METTL15: variants seen among roughly 807,000 people sequenced by gnomAD.
The protein encoded by METTL15 is 12S rRNA N(4)-cytidine methyltransferase METTL15.
METTL15 carries 34 observed loss-of-function variants against 38.3 expected under a neutral mutation model. The observed-to-expected ratio is 0.89, with a 90% CI of 0.68 to 1.18. The LOEUF (loss-of-function observed/expected upper bound fraction) is 1.18, where lower values mean the gene tolerates loss of function less well. Ranked by LOEUF, METTL15 falls within the 50% of genes most tolerant of loss-of-function variation. The pLI is 0.00. For missense variants in METTL15, 438 were observed against 498.4 expected (o/e 0.88, Z 1.15); for synonymous variants, 162 against 170.9 (o/e 0.95, Z 0.41).
At chr11:28,525,645 A>C (rs1403323147) in intron 6 of METTL15, among the ~76,000 whole-genome samples, 2 of 152,238 alleles carry the variant, frequency 1.3e-5, no homozygotes, top group East Asian at 3.8e-4. Context: ...TGAGCTAGAT[A>C]CAGAGTGCTG....
At chr11:28,159,595 CCTT>C (rs971803066) in intron 3 of METTL15, among the ~76,000 whole-genome samples, 1 of 152,122 alleles carries the variant, frequency 6.6e-6, no homozygotes, top group African/African-American at 2.4e-5. Context: ...AGTCTTTCCC[CCTT>C]CTTTTGTTAA....
intron 5 of METTL15, among the ~76,000 whole-genome samples, chr11:28,385,083 T>C (rs1850426674): frequency 6.6e-6 from 1 of 152,200 alleles, no homozygotes; most frequent in Non-Finnish European, 1.5e-5. Context: ...TTTTCTTCCA[T>C]TATGTAGGTT....
rs1216491359 is a variant in METTL15, at chr11:28,146,757, C to T, written c.270+33153C>T. Among the ~76,000 whole-genome samples, 4 of 152,012 alleles carry T rather than the reference C, an allele frequency of 2.6e-5. No homozygotes were observed. In the South Asian group the frequency reaches 6.2e-4, roughly 24 times the overall value. On this transcript the variant is annotated intron_variant, in intron 3 of 6. Coordinates refer to ENST00000407364, the MANE Select transcript of METTL15 (RefSeq NM_001113528.2). ...TATTGATTTGTTCAATAATAGCCCA[C>T]TATCCAATTAGATGTTACGTTTTAC... is the stretch of plus-strand genomic sequence containing the variant.
intron 6 of METTL15, among the ~76,000 whole-genome samples, chr11:28,433,618 G>T (rs1812718302): frequency 6.6e-6 from 1 of 152,092 alleles, no homozygotes; most frequent in Admixed American, 6.5e-5. Context: ...ATGAGTGTTA[G>T]ATTTGATGAT....
rs1022621570 is a variant in METTL15 at position 28,513,500 on chromosome 11, G to A, written c.*425-12978G>A. Among the ~76,000 whole-genome samples, 6 of 152,288 alleles carry A rather than the reference G, an allele frequency of 3.9e-5. No homozygotes were observed. The South Asian group carries it at 8.3e-4, about 21-fold the overall frequency. On this transcript the variant is annotated intron_variant and NMD_transcript_variant, in intron 6 of 7. Transcript: ENST00000532947. Reference sequence around the variant, plus strand: ...ATGAAATCTACCTGCATGAGGTGCCGAGACCAGCTCGGTTGGGGAGACCCT... The same window carrying A: ...ATGAAATCTACCTGCATGAGGTGCCAAGACCAGCTCGGTTGGGGAGACCCT...
chr11:28,307,379 C>T (rs1387299219), intron 6 of METTL15, among the ~76,000 whole-genome samples: 2 of 151,890 alleles, frequency 1.3e-5, no homozygotes, highest in Non-Finnish European at 2.9e-5. Flanking sequence ...GATGCTCAAT[C>T]AATATTTCTT....
chr11:28,122,277 G>A (rs1164641074), intron 3 of METTL15: 1 of 836,272 alleles, frequency 1.2e-6, no homozygotes, highest in South Asian at 2.1e-5. Context: ...AAAAACTGAT[G>A]CAGAAATTAG....
intron 3 of METTL15, among the ~76,000 whole-genome samples, chr11:28,141,591 A>C (rs1849700110): frequency 6.6e-6 from 1 of 152,114 alleles, no homozygotes; most frequent in South Asian, 2.1e-4. Flanking sequence ...TGGGAGGCTG[A>C]GTTGGGAGGA....
chr11:28,249,440 A>C (rs1050747548), intron 4 of METTL15, among the ~76,000 whole-genome samples: 3 of 152,034 alleles, frequency 2.0e-5, no homozygotes, highest in Admixed American at 6.6e-5. Context: ...CCAGTGACTC[A>C]ACCCGATACT....
intron 4 of METTL15, among the ~76,000 whole-genome samples, chr11:28,214,539 A>C (rs1244249460): frequency 6.6e-6 from 1 of 152,208 alleles, no homozygotes; most frequent in Non-Finnish European, 1.5e-5. Context: ...ATAGGTTGAT[A>C]AGCATGACAA....
chr11:28,463,666 G>A (rs1369912101), intron 6 of METTL15, among the ~76,000 whole-genome samples: 2 of 151,770 alleles, frequency 1.3e-5, no homozygotes, highest in Non-Finnish European at 2.9e-5. Context: ...AGGATAGGTT[G>A]GTTATACTGT....
chr11:28,521,625 C>T (rs574054322), intron 6 of METTL15, among the ~76,000 whole-genome samples: 5 of 152,192 alleles, frequency 3.3e-5, no homozygotes, highest in South Asian at 4.2e-4. Flanking sequence ...TAAACTCCAG[C>T]GCTGACCTTG....
chr11:28,240,262 C>CT (rs1854234885), intron 4 of METTL15, among the ~76,000 whole-genome samples: 1 of 152,132 alleles, frequency 6.6e-6, no homozygotes, highest in Non-Finnish European at 1.5e-5. Context: ...TAAAGATCAG[C>CT]TATACTTTGT....
chr11:28,487,992 A>T (rs1851452152), intron 6 of METTL15, among the ~76,000 whole-genome samples: 1 of 152,138 alleles, frequency 6.6e-6, no homozygotes, highest in Non-Finnish European at 1.5e-5. Flanking sequence ...TAGCATCAGA[A>T]CTCTAGCTAG....
intron 3 of METTL15, among the ~76,000 whole-genome samples, chr11:28,148,065 A>G (rs182722202): frequency 5.3e-4 from 80 of 151,964 alleles, no homozygotes; most frequent in African/African-American, 1.8e-3. Flanking sequence ...TTTTGCTCAT[A>G]GATTGGCCAG....
At position 28,330,719 on chromosome 11, in the gene METTL15, A is replaced by G. The variant is rs1253332859; in HGVS notation, c.1102A>G (p.Met368Val). ...SDHENTEEVS[M>V]RRAPLMWELI... ...TCACGAAAACACGGAAGAAGTCTCT[A>G]TGAGAAGAGCTCCTTTAATGTGGGA... The change falls in exon 7 of 7, where the codon ATG becomes GTG. Residue 368 changes from methionine (M) to valine (V), a missense_variant. Transcript: ENST00000407364. 6.4e-7 allele frequency: 1 copy of G among 1,551,556 alleles called. No individual in the cohort carries two copies. Among genetic ancestry groups the G allele is most frequent in the South Asian group, 1.2e-5 (1 of 84,056 alleles).
intron 5 of METTL15, among the ~76,000 whole-genome samples, chr11:28,371,178 G>C (rs1251297680): frequency 2.0e-5 from 3 of 151,842 alleles, no homozygotes; most frequent in Admixed American, 6.6e-5. Flanking sequence ...TTTCATAGTT[G>C]TGAGTCTTTA....
In METTL15 at chr11:28,431,194, G is replaced by A. The variant is rs1222800334; in HGVS notation, c.*424+6830G>A. Among the ~76,000 whole-genome samples the A allele has an allele frequency of 1.0e-4, 13 of 123,922 alleles. 1 individual carries two copies. The highest frequency in any genetic ancestry group is 3.2e-4 in the African/African-American group (12 of 37,742). The allele number at this position is 123,922 out of a possible 152,430, so 81.3% of individuals were successfully genotyped here. A position where few individuals can be genotyped will look rare whatever the true frequency, so the allele number is the denominator to read the frequency against. On this transcript the variant is annotated intron_variant and NMD_transcript_variant, in intron 6 of 7. Transcript: ENST00000532947. ...CCCTGCCCGGCCATCCGCCCCGTCC[G>A]GGAGGTGAGGGGCGCCTCTGCCCGG...
At chr11:28,340,261 C>G (rs919291074) in intron 3 of METTL15, among the ~76,000 whole-genome samples, 2 of 151,988 alleles carry the variant, frequency 1.3e-5, no homozygotes, top group African/African-American at 2.4e-5. Flanking sequence ...ATCCATTACT[C>G]TCTAATTTCA....
Sources: allele counts gnomAD v4.1 joint callset (sites outside exome capture counted in the v4.1 genomes callset), GRCh38; gene constraint gnomAD v4.1.1; transcripts MANE v1.5; gene names NCBI Gene and HGNC (gene_info 2026-07-23, HGNC 2026-07-21).